SYNE2: variants seen among roughly 807,000 people sequenced by gnomAD.
SYNE2 encodes nesprin-2.
Under a neutral mutation model 856.3 loss-of-function variants are expected in SYNE2, and 431 were observed. That is an observed-to-expected ratio of 0.50 (90% CI 0.47 to 0.55). SYNE2 has a LOEUF of 0.55. SYNE2 is among the 20% of genes least tolerant of loss of function. The pLI, the probability that SYNE2 is intolerant of heterozygous loss-of-function variation, is 0.00. For synonymous variants in SYNE2, 2,923 were observed against 2,872.3 expected (o/e 1.02, Z -0.56); for missense variants, 8,129 against 8,023.2 (o/e 1.01, Z -0.50).
intron 79 of SYNE2, among the ~76,000 whole-genome samples, chr14:64,138,728 G>A (rs773941909): frequency 5.9e-5 from 9 of 152,280 alleles, no homozygotes; most frequent in Admixed American, 5.2e-4. Context: ...ATCTTGAACC[G>A]TGTGAGGAAG....
At position 64,025,332 on chromosome 14, in the gene SYNE2, C is replaced by T; in HGVS notation, c.6163C>T (p.His2055Tyr). 1 of 1,613,998 alleles carries T rather than the reference C, an allele frequency of 6.2e-7. No homozygotes were observed. The highest frequency in any genetic ancestry group is 8.5e-7 in the Non-Finnish European group (1 of 1,179,966). Residue 2055 changes from histidine (H) to tyrosine (Y), a missense_variant, in exon 41 of 116, where the codon CAT becomes TAT. By Grantham distance (83) the His-to-Tyr change is moderately conservative (BLOSUM62 2). Coordinates refer to ENST00000555002, the MANE Select transcript of SYNE2 (RefSeq NM_182914.3). ...TAATGATCTTGCACATGATGTAATT[C>T]ATTGGATAAAAGAGATTAAAGAGTC... ...SFNDLAHDVIHWIKEIKESLM... is the reference protein window; with the variant it reads ...SFNDLAHDVIYWIKEIKESLM...
At chr14:64,047,610 C>T (rs1345563609) in intron 45 of SYNE2, among the ~76,000 whole-genome samples, 2 of 152,204 alleles carry the variant, frequency 1.3e-5, no homozygotes, top group Non-Finnish European at 2.9e-5. Context: ...TTGGTGTTAC[C>T]TCCATATGGC....
chr14:64,065,147 G>A (rs970110804), intron 50 of SYNE2, among the ~76,000 whole-genome samples: 2 of 152,184 alleles, frequency 1.3e-5, no homozygotes, highest in Non-Finnish European at 2.9e-5. Flanking sequence ...ACAGGCATGA[G>A]CCACTGCGTC....
intron 1 of SYNE2, among the ~76,000 whole-genome samples, chr14:63,838,680 A>T (rs1461015719): frequency 6.6e-6 from 1 of 152,028 alleles, no homozygotes; most frequent in Non-Finnish European, 1.5e-5. Flanking sequence ...GGCTAATTTT[A>T]AAATTTTTTG....
chr14:64,223,139 T>G, intron 112 of SYNE2, 50 bp from the exon 113 acceptor site: 2 of 1,605,684 alleles, frequency 1.2e-6, no homozygotes, highest in Non-Finnish European at 1.7e-6. Flanking sequence ...GTGTCCACAC[T>G]CGCTTCCCTT....
At chr14:64,114,010 A>G (rs544313184) in intron 66 of SYNE2, among the ~76,000 whole-genome samples, 115 of 152,358 alleles carry the variant, frequency 7.5e-4, no homozygotes, top group Admixed American at 3.1e-3. Flanking sequence ...GTATATAACA[A>G]GTGCTCAGTA....
At position 64,218,484 on chromosome 14, in the gene SYNE2, A is replaced by T; in HGVS notation, c.19629A>T (p.Gly6543=). ...GCAACCCACAGCAGGAAGACGGGGGACTGGCCGGTATCACAGAGCAGCAGT... is the reference window on the plus strand; with the variant it reads ...GCAACCCACAGCAGGAAGACGGGGGTCTGGCCGGTATCACAGAGCAGCAGT... ...LNGNPQQEDG[G]LAGITEQQSG... is the part of the protein sequence containing the mutation. Residue 6543 remains glycine, a synonymous_variant, in exon 109 of 116, where the codon GGA becomes GGT. Transcript: ENST00000555002. 1 of 1,614,012 alleles carries T rather than the reference A, an allele frequency of 6.2e-7. No homozygotes were observed. Among genetic ancestry groups the T allele is most frequent in the South Asian group, 1.1e-5 (1 of 91,064 alleles).
chr14:64,009,535 C>T, intron 31 of SYNE2, among the ~76,000 whole-genome samples: 1 of 77,440 alleles, frequency 1.3e-5, no homozygotes, highest in Admixed American at 1.6e-4. Context: ...GACTCTGTCT[C>T]AAAAAAAAAA....
At position 64,191,156 on chromosome 14, in the gene SYNE2, TTTAAA is replaced by T. The variant is rs1193978100; in HGVS notation, c.18038+927_18038+931del. ...TTTATCTTATTATTTAAATTTATTATTTAAATTAAATTTATTATTTAAATTATTAT... is the reference window on the plus strand; with the variant it reads ...TTTATCTTATTATTTAAATTTATTATTTAAATTTATTATTTAAATTATTAT... On this transcript the variant is annotated intron_variant, in intron 99 of 115. Transcript: ENST00000555002. 7.7e-6 allele frequency: 3 copies of T among 390,986 alleles called. No individual in the cohort carries two copies. In the East Asian group the frequency reaches 1.3e-4, roughly 17 times the overall value. 24.2% of individuals were successfully genotyped at this position (390,986 alleles called of 1,614,324 possible). A position where few individuals can be genotyped will look rare whatever the true frequency, so the allele number is the denominator to read the frequency against.
At chr14:64,044,292 C>T (rs1457553962) in intron 45 of SYNE2, among the ~76,000 whole-genome samples, 1 of 152,144 alleles carries the variant, frequency 6.6e-6, no homozygotes, top group Non-Finnish European at 1.5e-5. Flanking sequence ...TGCATGGGCC[C>T]TGTAACCCCT....
intron 8 of SYNE2, among the ~76,000 whole-genome samples, chr14:63,959,266 ATTCTTTT>A (rs2096278191): frequency 8.2e-6 from 1 of 122,406 alleles, no homozygotes; most frequent in South Asian, 2.7e-4. Context: ...TTACAGCCAT[ATTCTTTT>A]TTCTTTTCTT....
chr14:64,215,587 C>A (rs1596281985), intron 107 of SYNE2: 1 of 602,124 alleles, frequency 1.7e-6, no homozygotes, highest in East Asian at 2.8e-5. Context: ...CCCTTCAGGC[C>A]TGTGCAGAGG....
At chr14:64,113,159 C>A in intron 65 of SYNE2, 182 bp from the exon 66 acceptor site, 1 of 985,314 alleles carries the variant, frequency 1.0e-6, no homozygotes, top group Non-Finnish European at 1.2e-6. Context: ...TGCTTGGAAA[C>A]CTGTGGCACC....
At chr14:64,097,850 A>G in intron 61 of SYNE2, 99 bp from the exon 62 acceptor site, 1 of 1,230,492 alleles carries the variant, frequency 8.1e-7, no homozygotes, top group Admixed American at 1.8e-5. Flanking sequence ...CCAAATAGCA[A>G]AGAAAAATCT....
rs536576360 is a variant in SYNE2 at position 63,888,188 on chromosome 14, A to G, written c.-51-20910A>G. 3.3e-5 allele frequency among the ~76,000 whole-genome samples: 5 copies of G among 152,330 alleles called. No individual in the cohort carries two copies. In the South Asian group the frequency reaches 1.0e-3, roughly 32 times the overall value. On this transcript the variant is annotated intron_variant, in intron 1 of 115. Coordinates refer to ENST00000555002, the MANE Select transcript of SYNE2 (RefSeq NM_182914.3). ...TCAGTACGTTCTGTACAAGCTTGGG[A>G]CAGAATGAGGGCCCAAACTCGGGCC...
In SYNE2 at chr14:63,974,892, G is replaced by GTATATATATATATATATATATA. The variant is rs145247655; in HGVS notation, c.1129-1667_1129-1646dup. ...TGTGTGTGTGTGTGTGTGTGTGTGT[G>GTATATATATATATATATATATA]TATATATATATATATATATATATAT... On this transcript the variant is annotated intron_variant, in intron 11 of 115. Coordinates refer to ENST00000555002, the MANE Select transcript of SYNE2 (RefSeq NM_182914.3). Among the ~76,000 whole-genome samples, 412 of 67,158 alleles carry GTATATATATATATATATATATA rather than the reference G, an allele frequency of 6.1e-3. 15 individuals are homozygous for GTATATATATATATATATATATA. The highest frequency in any genetic ancestry group is 9.4e-3 in the Non-Finnish European group (301 of 32,118). The allele number at this position is 67,158 out of a possible 152,430, so 44.1% of individuals were successfully genotyped here.
At chr14:63,790,640 G>C (rs984748106) in intron 1 of SYNE2, among the ~76,000 whole-genome samples, 3 of 152,146 alleles carry the variant, frequency 2.0e-5, no homozygotes, top group African/African-American at 4.8e-5. Flanking sequence ...TGAGTGATGA[G>C]GGAGTGGTGT....
chr14:64,132,461 G>A, intron 77 of SYNE2, 23 bp downstream of exon 77: 1 of 1,614,060 alleles, frequency 6.2e-7, no homozygotes, highest in Non-Finnish European at 8.5e-7. Context: ...TGTAAACGTT[G>A]TACTGAAGCT....
At position 64,016,650 on chromosome 14, in the gene SYNE2, G is replaced by A. The variant is rs769895931; in HGVS notation, c.4887+19G>A. The A allele has an allele frequency of 9.8e-6, 15 of 1,531,936 alleles. No homozygotes were observed. Among genetic ancestry groups the A allele is most frequent in the Non-Finnish European group, 1.2e-5 (13 of 1,112,228 alleles). 94.9% of individuals were successfully genotyped at this position (1,531,936 alleles called of 1,614,324 possible). A position where few individuals can be genotyped will look rare whatever the true frequency, so the allele number is the denominator to read the frequency against. On this transcript the variant is annotated intron_variant, in intron 33 of 115. Transcript: ENST00000555002. ...GCTTGATGTAAGTGATAATTTCATTGATTGCAAATTTAATTTTGTTTCCAA... is the reference window on the plus strand; with the variant it reads ...GCTTGATGTAAGTGATAATTTCATTAATTGCAAATTTAATTTTGTTTCCAA...
Sources: allele counts gnomAD v4.1 joint callset (sites outside exome capture counted in the v4.1 genomes callset), GRCh38; gene constraint gnomAD v4.1.1; transcripts MANE v1.5; gene names NCBI Gene and HGNC (gene_info 2026-07-23, HGNC 2026-07-21).